Variants in THRAP3 observed in about 807,000 individuals in gnomAD.
The protein encoded by THRAP3 is thyroid hormone receptor associated protein 3.
A neutral mutation model predicts 101.0 loss-of-function variants in THRAP3; 16 were observed. The observed-to-expected ratio is 0.16, with a 90% CI of 0.11 to 0.24. The LOEUF (loss-of-function observed/expected upper bound fraction) is 0.24. Among genes scored for constraint, THRAP3 ranks in the 10% least tolerant of loss-of-function variants. The pLI, the probability that THRAP3 is intolerant of heterozygous loss-of-function variation, is 1.00. For missense variants in THRAP3, 989 were observed against 1,202.7 expected (o/e 0.82, Z 2.63); for synonymous variants, 407 against 422.6 (o/e 0.96, Z 0.45).
rs1557452901 is a variant in THRAP3 at position 36,291,561 on chromosome 1, T to A, written c.1918+15T>A. ...CCATGTTAAAGGTGAGTCCAGACCC[T>A]GGCCTGCTTCAGGCTCGTGTTCCAC... On this transcript the variant is annotated intron_variant, in intron 6 of 11. Coordinates refer to ENST00000354618, the MANE Select transcript of THRAP3 (RefSeq NM_005119.4). The A allele has an allele frequency of 6.2e-7, 1 of 1,610,656 alleles. No homozygotes were observed. The highest frequency in any genetic ancestry group is 1.7e-5 in the Admixed American group (1 of 59,930).
intron 1 of THRAP3, among the ~76,000 whole-genome samples, chr1:36,249,683 T>TGA (rs1645274032): frequency 7.7e-6 from 1 of 129,728 alleles, no homozygotes; most frequent in African/African-American, 3.1e-5. Flanking sequence ...AAGCAGGTGG[T>TGA]GAGTGTGTGT....
intron 8 of THRAP3, chr1:36,294,368 C>G (rs151186455): frequency 4.6e-5 from 16 of 346,504 alleles, no homozygotes; most frequent in African/African-American, 2.2e-4. Context: ...AACAGCTGGT[C>G]CAGTTTTTTT....
At chr1:36,280,933 T>A (rs116179788) in intron 2 of THRAP3, among the ~76,000 whole-genome samples, 1,983 of 151,740 alleles carry the variant, frequency 0.013, 28 homozygotes, top group Non-Finnish European at 0.019. Context: ...TTTTATTTAT[T>A]TTTTTTTTTG....
At chr1:36,225,637 A>G (rs506930) in intron 1 of THRAP3, among the ~76,000 whole-genome samples, 10 of 151,836 alleles carry the variant, frequency 6.6e-5, no homozygotes, top group African/African-American at 2.4e-4. Context: ...GTTTCAGATG[A>G]CCCTGACTTT....
chr1:36,214,002 GAAAGAAAGAAAGAAA>G, the THRAP3 span, among the ~76,000 whole-genome samples: 182 of 32,296 alleles, frequency 5.6e-3, no homozygotes, highest in African/African-American at 0.014. Flanking sequence ...AGAAAGGAAA[GAAAGAAAGAAAGAAA>G]GAAAGAAAGA....
chr1:36,296,330 G>A (rs535232941), intron 8 of THRAP3, among the ~76,000 whole-genome samples: 1 of 152,254 alleles, frequency 6.6e-6, no homozygotes, highest in East Asian at 1.9e-4. Context: ...AGGAAACAAA[G>A]TGAGATCAAT....
intron 1 of THRAP3, among the ~76,000 whole-genome samples, chr1:36,226,811 G>C (rs1002569591): frequency 6.6e-6 from 1 of 152,174 alleles, no homozygotes; most frequent in African/African-American, 2.4e-5. Flanking sequence ...ACCAGCTTCT[G>C]TTGTGGGCCT....
chr1:36,269,040 A>ATTTTTGTTTGACTATTACTAATTGCTT (rs1645554698), intron 2 of THRAP3, among the ~76,000 whole-genome samples: 1 of 150,678 alleles, frequency 6.6e-6, no homozygotes, highest in Non-Finnish European at 1.5e-5. Context: ...TAGTTTTTTA[A>ATTTTTGTTTGACTATTACTAATTGCTT]TCTGGAGAAA....
In THRAP3 at chr1:36,304,045, A is replaced by C. The variant is rs1646064586; in HGVS notation, c.*28A>C. 1.4e-6 allele frequency: 2 copies of C among 1,475,234 alleles called. No homozygotes were observed. The highest frequency in any genetic ancestry group is 1.4e-5 in the South Asian group (1 of 71,406). 91.4% of individuals were successfully genotyped at this position (1,475,234 alleles called of 1,614,324 possible). ...GCCACCCTTGACGGGATTCCTGCCC[A>C]GGGGAGAGAGGCGCTGGGAAGATGG... On this transcript the variant is annotated 3_prime_UTR_variant, in exon 12 of 12. Transcript: ENST00000354618.
chr1:36,246,307 ACTGCAACCT>A (rs1168619744), intron 1 of THRAP3, among the ~76,000 whole-genome samples: 2 of 152,192 alleles, frequency 1.3e-5, no homozygotes, highest in Non-Finnish European at 1.5e-5. Context: ...ATCTTGGCTC[ACTGCAACCT>A]CTGCCTCCTG....
At position 36,251,831 on chromosome 1, in the gene THRAP3, A is replaced by T. The variant is rs1426618143; in HGVS notation, c.-134-7551A>T. Among the ~76,000 whole-genome samples the T allele has an allele frequency of 2.6e-5, 4 of 152,208 alleles. No individual in the cohort carries two copies. In the East Asian group the frequency reaches 5.8e-4, roughly 22 times the overall value. On this transcript the variant is annotated intron_variant, in intron 1 of 11. Coordinates refer to ENST00000354618, the MANE Select transcript of THRAP3 (RefSeq NM_005119.4). ...TGTTCAACAACACTGTGAAGTAGGA[A>T]CAGTTTTATAGATAAGGGACCACAG...
chr1:36,250,363 G>A (rs1231482295), intron 1 of THRAP3, among the ~76,000 whole-genome samples: 2 of 151,682 alleles, frequency 1.3e-5, no homozygotes, highest in Non-Finnish European at 1.5e-5. Context: ...ACAGGCGCCC[G>A]CCACCACACC....
chr1:36,281,799 G>A lies in THRAP3; in HGVS notation c.-31-734G>A, dbSNP rs148774290. ...AGTTTTTACTTTGTAGGCCAGGCACGGTGGCTCACGCCTGTAATCCCAGCA... is the reference window on the plus strand; with the variant it reads ...AGTTTTTACTTTGTAGGCCAGGCACAGTGGCTCACGCCTGTAATCCCAGCA... On this transcript the variant is annotated intron_variant, in intron 2 of 11. Transcript: ENST00000354618. Among the ~76,000 whole-genome samples, 602 of 152,044 alleles carry A rather than the reference G, an allele frequency of 4.0e-3. 4 individuals carry two copies. Among genetic ancestry groups the A allele is most frequent in the East Asian group, 0.03 (156 of 5,134 alleles).
At chr1:36,241,237 G>A (rs1368429835) in intron 1 of THRAP3, among the ~76,000 whole-genome samples, 3 of 148,926 alleles carry the variant, frequency 2.0e-5, no homozygotes, top group Non-Finnish European at 3.0e-5. Flanking sequence ...AATACGTGCC[G>A]CTGACACCTG....
At chr1:36,248,823 C>T (rs181685161) in intron 1 of THRAP3, among the ~76,000 whole-genome samples, 98 of 152,078 alleles carry the variant, frequency 6.4e-4, no homozygotes, top group Non-Finnish European at 1.1e-3. Flanking sequence ...ATGAAATCTA[C>T]CATGTACCAG....
intron 7 of THRAP3, among the ~76,000 whole-genome samples, chr1:36,293,028 C>CTTTTTTTTTTTTTTTTTTTTTTTT (rs71053920): frequency 1.2e-5 from 1 of 82,826 alleles, no homozygotes; most frequent in African/African-American, 4.2e-5. Context: ...CTTTTCTTGT[C>CTTTTTTTTTTTTTTTTTTTTTTTT]TTTTTTTTTT....
At chr1:36,210,436 C>T in the THRAP3 span, among the ~76,000 whole-genome samples, 1 of 148,384 alleles carries the variant, frequency 6.7e-6, no homozygotes, top group Non-Finnish European at 1.5e-5. Flanking sequence ...CATCTGTAAT[C>T]CTAGCACTTT....
chr1:36,258,091 G>A (rs1364899516), intron 1 of THRAP3, among the ~76,000 whole-genome samples: 11 of 152,046 alleles, frequency 7.2e-5, no homozygotes, highest in African/African-American at 1.9e-4. Flanking sequence ...CGCCCGCCTC[G>A]GCCTCCCAAA....
intron 1 of THRAP3, among the ~76,000 whole-genome samples, chr1:36,245,236 G>A (rs747120513): frequency 6.8e-6 from 1 of 147,610 alleles, no homozygotes; most frequent in Non-Finnish European, 1.5e-5. Flanking sequence ...GCACAATCTT[G>A]GTTCACTGCA....
Sources: allele counts gnomAD v4.1 joint callset (sites outside exome capture counted in the v4.1 genomes callset), GRCh38; gene constraint gnomAD v4.1.1; transcripts MANE v1.5; gene names NCBI Gene and HGNC (gene_info 2026-07-23, HGNC 2026-07-21).